Variants in ERGIC1 observed in about 807,000 individuals in gnomAD.
The protein encoded by ERGIC1 is endoplasmic reticulum-golgi intermediate compartment 1.
A neutral mutation model predicts 38.3 loss-of-function variants in ERGIC1; 19 were observed. The ratio of observed to expected loss-of-function variants is 0.50; its 90% confidence interval spans 0.35 to 0.73. The LOEUF (loss-of-function observed/expected upper bound fraction) is 0.73. Among genes scored for constraint, ERGIC1 ranks in the 30% least tolerant of loss-of-function variants. ERGIC1 has a pLI of 0.01. For missense variants in ERGIC1, 294 were observed against 389.2 expected, an observed-to-expected ratio of 0.76 and a Z score of 2.06; for synonymous variants, 124 against 157.6, an observed-to-expected ratio of 0.79 and a Z score of 1.60.
At chr5:172,940,428 A>G (rs145554256) in intron 9 of ERGIC1, among the ~76,000 whole-genome samples, 4 of 152,276 alleles carry the variant, frequency 2.6e-5, no homozygotes, top group African/African-American at 4.8e-5. Flanking sequence ...CCCCTCCCAC[A>G]CACACATTTG....
chr5:172,928,727 TG>T (rs1197444789), intron 7 of ERGIC1, among the ~76,000 whole-genome samples: 2 of 152,136 alleles, frequency 1.3e-5, no homozygotes, highest in Admixed American at 1.3e-4. Context: ...TCCTGCCAGA[TG>T]GTGGTGGAGT....
rs569451331 is a variant in ERGIC1 at position 172,948,547 on chromosome 5, G to T, written c.766-2162G>T. Reference sequence around the variant, plus strand: ...TTTAAATGCCCCTTAAATGTGGCATGGGGGAAAGAGTGAGTGCCACATGCA... The same window carrying T: ...TTTAAATGCCCCTTAAATGTGGCATTGGGGAAAGAGTGAGTGCCACATGCA... On this transcript the variant is annotated intron_variant, in intron 9 of 9. Coordinates refer to ENST00000393784, the MANE Select transcript of ERGIC1 (RefSeq NM_001031711.3). Among the ~76,000 whole-genome samples the T allele has an allele frequency of 7.0e-4, 107 of 152,254 alleles. 3 individuals are homozygous for T. The highest frequency in any genetic ancestry group is 2.8e-4 in the Non-Finnish European group (19 of 68,026).
At chr5:172,936,474 A>G (rs1389080859) in intron 9 of ERGIC1, 1 of 152,320 alleles carries the variant, frequency 6.6e-6, no homozygotes, top group Non-Finnish European at 1.5e-5. Flanking sequence ...ACCCCATCCA[A>G]ACCGCAGGGA....
intron 7 of ERGIC1, among the ~76,000 whole-genome samples, chr5:172,931,453 G>A (rs1186509816): frequency 6.6e-6 from 1 of 152,210 alleles, no homozygotes; most frequent in African/African-American, 2.4e-5. Flanking sequence ...ACACAGAGTT[G>A]AGTAAGGCTC....
At chr5:172,866,649 T>C (rs573044994) in intron 1 of ERGIC1, among the ~76,000 whole-genome samples, 1 of 152,304 alleles carries the variant, frequency 6.6e-6, no homozygotes, top group African/African-American at 2.4e-5. Flanking sequence ...CCTGAGAAAC[T>C]GAAGCACAGG....
intron 1 of ERGIC1, among the ~76,000 whole-genome samples, chr5:172,882,759 C>T (rs1342704854): frequency 6.6e-6 from 1 of 152,144 alleles, no homozygotes; most frequent in African/African-American, 2.4e-5. Flanking sequence ...GCGTCATCAT[C>T]GCCCAGCCTG....
chr5:172,885,221 C>T (rs189961710), intron 1 of ERGIC1, among the ~76,000 whole-genome samples: 300 of 152,284 alleles, frequency 2.0e-3, no homozygotes, highest in African/African-American at 6.7e-3. Context: ...CCTCAACCTC[C>T]CAGGCTCAAG....
Position 172,846,530 on chromosome 5 carries a change from G to A in ERGIC1, c.20+12097G>A, listed in dbSNP as rs903651841. ...GAGGAACTGTCTTGGCTCTGAGTTG[G>A]GAGACAGCAGAGCTAGGATTGCAGC... is the stretch of plus-strand genomic sequence containing the variant. On this transcript the variant is annotated intron_variant, in intron 1 of 9. Coordinates refer to ENST00000393784, the MANE Select transcript of ERGIC1 (RefSeq NM_001031711.3). The surrounding 1 kb of genome is among the most constrained non-coding windows in gnomAD (Gnocchi z 4.0). Among the ~76,000 whole-genome samples the A allele has an allele frequency of 6.6e-6, 1 of 152,156 alleles. No individual in the cohort carries two copies. The highest frequency in any genetic ancestry group is 1.5e-5 in the Non-Finnish European group (1 of 68,018).
At chr5:172,843,941 T>C (rs1761223796) in intron 1 of ERGIC1, among the ~76,000 whole-genome samples, 1 of 152,198 alleles carries the variant, frequency 6.6e-6, no homozygotes. Flanking sequence ...ACAAGTATAC[T>C]TGGAGGCGGG....
At chr5:172,935,155 T>G in intron 8 of ERGIC1, 33 bp from the exon 9 acceptor site, 1 of 1,613,546 alleles carries the variant, frequency 6.2e-7, no homozygotes, top group Non-Finnish European at 8.5e-7. Flanking sequence ...GAGACACAGT[T>G]TGTACTTCTG....
chr5:172,877,908 A>C (rs1762186513), intron 1 of ERGIC1, among the ~76,000 whole-genome samples: 2 of 152,324 alleles, frequency 1.3e-5, no homozygotes, highest in Admixed American at 1.3e-4. Context: ...GCAAGAGTGG[A>C]AGACCCTGCA....
At chr5:172,858,115 T>C (rs1052936308) in intron 1 of ERGIC1, among the ~76,000 whole-genome samples, 1 of 152,210 alleles carries the variant, frequency 6.6e-6, no homozygotes, top group Non-Finnish European at 1.5e-5. Context: ...GGAACCTGAC[T>C]GCAGTGGTAT....
At chr5:172,905,921 G>A (rs1763007844) in intron 3 of ERGIC1, 4 of 375,584 alleles carry the variant, frequency 1.1e-5, no homozygotes, top group Non-Finnish European at 1.6e-5. Flanking sequence ...TTTACCTCCT[G>A]CTTTTAGCCT....
At position 172,950,926 on chromosome 5, in the gene ERGIC1, G is replaced by A. The variant is rs141121708; in HGVS notation, c.*110G>A. 1.1e-6 allele frequency: 1 copy of A among 903,746 alleles called. No individual in the cohort carries two copies. The highest frequency in any genetic ancestry group is 1.7e-5 in the African/African-American group (1 of 58,832). The allele number at this position is 903,746 out of a possible 1,614,324, so 56.0% of individuals were successfully genotyped here. On this transcript the variant is annotated 3_prime_UTR_variant, in exon 10 of 10. Coordinates refer to ENST00000393784, the MANE Select transcript of ERGIC1 (RefSeq NM_001031711.3). Reference sequence around the variant, plus strand: ...TCCCAAATCTGGCTGTGTCCCAAAGGGTGTGTGGGAAGTGGGGGGAAAGTA... The same window carrying A: ...TCCCAAATCTGGCTGTGTCCCAAAGAGTGTGTGGGAAGTGGGGGGAAAGTA...
chr5:172,877,077 G>T (rs1186160185), intron 1 of ERGIC1, among the ~76,000 whole-genome samples: 1 of 152,106 alleles, frequency 6.6e-6, no homozygotes, highest in Non-Finnish European at 1.5e-5. Flanking sequence ...CCTCTAGAAG[G>T]TTTATAGTAA....
chr5:172,886,598 C>T (rs74850587), intron 1 of ERGIC1, among the ~76,000 whole-genome samples: 3 of 152,006 alleles, frequency 2.0e-5, no homozygotes, highest in African/African-American at 7.3e-5. Flanking sequence ...GTTTGTCAAA[C>T]AAGCGTTAAT....
intron 1 of ERGIC1, among the ~76,000 whole-genome samples, chr5:172,883,508 T>G (rs1045573000): frequency 6.6e-5 from 10 of 152,234 alleles, no homozygotes; most frequent in African/African-American, 2.2e-4. Context: ...GTTTTGTTTT[T>G]TTGTAGACTG....
chr5:172,836,184 G>A (rs563565854), intron 1 of ERGIC1, among the ~76,000 whole-genome samples: 1 of 152,324 alleles, frequency 6.6e-6, no homozygotes, highest in African/African-American at 2.4e-5. Context: ...AATGGGAAGG[G>A]TAGACTTAGG....
At chr5:172,843,393 T>C (rs116620216) in intron 1 of ERGIC1, among the ~76,000 whole-genome samples, 2,728 of 152,322 alleles carry the variant, frequency 0.018, 42 homozygotes, top group South Asian at 0.031. Context: ...TCCCAGAGCC[T>C]GGCACCTCAC....
Sources: gnomAD v4.1 joint callset for allele counts (sites outside exome capture counted in the v4.1 genomes callset) on GRCh38, gnomAD v4.1.1 for gene constraint, Gnocchi (gnomAD v3.1) non-coding constraint, MANE v1.5 for transcripts, NCBI Gene and HGNC (gene_info 2026-07-23, HGNC 2026-07-21) for gene names.